The following UBR3 variants were observed in gnomAD, a reference collection of about 807,000 sequenced individuals.
UBR3 encodes the protein ubiquitin protein ligase E3 component n-recognin 3.
A neutral mutation model predicts 243.2 loss-of-function variants in UBR3; 85 were observed. That is an observed-to-expected ratio of 0.35 (90% CI 0.29 to 0.42). UBR3 has a LOEUF of 0.42. Among genes scored for constraint, UBR3 ranks in the 10% least tolerant of loss-of-function variants. The pLI, the probability that UBR3 is intolerant of heterozygous loss-of-function variation, is 1.00. For missense variants in UBR3, 1,686 were observed against 2,300.8 expected (o/e 0.73, Z 5.47); for synonymous variants, 748 against 799.8 (o/e 0.94, Z 1.09).
chr2:170,077,579 TTC>T, intron 36 of UBR3: 3 of 538,396 alleles, frequency 5.6e-6, no homozygotes, highest in South Asian at 6.5e-5. Context: ...GCCTGCGTCT[TTC>T]TCTTTCCTGT....
intron 30 of UBR3, among the ~76,000 whole-genome samples, chr2:170,019,874 C>T (rs906512195): frequency 6.6e-6 from 1 of 152,094 alleles, no homozygotes; most frequent in African/African-American, 2.4e-5. Context: ...CTCCTGGGCT[C>T]AAGCATTCCT....
intron 32 of UBR3, among the ~76,000 whole-genome samples, chr2:170,041,600 G>T (rs1288894594): frequency 6.6e-6 from 1 of 152,004 alleles, no homozygotes; most frequent in African/African-American, 2.4e-5. Context: ...ATTGCTCCTT[G>T]GTCTTTGTAG....
intron 2 of UBR3, 25 bp from the exon 3 acceptor site, chr2:169,875,766 G>A: frequency 6.7e-7 from 1 of 1,492,880 alleles, no homozygotes. Flanking sequence ...ACCCTTATTT[G>A]ATTTTTTTTC....
At chr2:170,046,336 GTTGTTATAGTTCT>G (rs2091087958) in intron 32 of UBR3, among the ~76,000 whole-genome samples, 1 of 152,110 alleles carries the variant, frequency 6.6e-6, no homozygotes, top group African/African-American at 2.4e-5. Context: ...ATTGGATTTG[GTTGTTATAGTTCT>G]TTTAAATCTG....
At chr2:170,005,553 T>C (rs1394160225) in intron 27 of UBR3, among the ~76,000 whole-genome samples, 1 of 152,084 alleles carries the variant, frequency 6.6e-6, no homozygotes, top group East Asian at 1.9e-4. Flanking sequence ...CCTGATGAAC[T>C]GGGAGAAAAA....
intron 2 of UBR3, 58 bp from the exon 3 acceptor site, chr2:169,875,731 TTA>T (rs2083582729): frequency 7.4e-7 from 1 of 1,354,678 alleles, no homozygotes; most frequent in African/African-American, 1.5e-5. Context: ...ACTGTTATTT[TTA>T]GTAAGATATT....
intron 11 of UBR3, among the ~76,000 whole-genome samples, chr2:169,919,954 G>T (rs375405156): frequency 8.5e-4 from 129 of 152,148 alleles, no homozygotes; most frequent in Admixed American, 2.2e-3. Context: ...GCCATCCCAT[G>T]ACTGGGTATA....
chr2:170,014,028 C>T (rs1003155093), intron 29 of UBR3: 11 of 440,376 alleles, frequency 2.5e-5, no homozygotes, highest in South Asian at 1.5e-4. Flanking sequence ...TGGAAAATTC[C>T]CTTGTCACAC....
chr2:169,983,626 C>G (rs2088860533), intron 24 of UBR3, among the ~76,000 whole-genome samples: 1 of 152,078 alleles, frequency 6.6e-6, no homozygotes, highest in South Asian at 2.1e-4. Flanking sequence ...GAAATAAACT[C>G]TCTCTTGATG....
intron 25 of UBR3, among the ~76,000 whole-genome samples, chr2:169,993,233 G>A (rs942233509): frequency 6.6e-6 from 1 of 152,128 alleles, no homozygotes; most frequent in Non-Finnish European, 1.5e-5. Context: ...ACATAAATGT[G>A]ATATGATATT....
chr2:169,963,274 C>A (rs10187676), intron 24 of UBR3, among the ~76,000 whole-genome samples: 26,893 of 152,002 alleles, frequency 0.18, 2,617 homozygotes, highest in East Asian at 0.37. Context: ...TGGCTCCTGT[C>A]TTCTGCCTCA....
At chr2:169,857,062 A>ATTTTTTTTTTTTTTTTTT (rs1553494582) in intron 1 of UBR3, among the ~76,000 whole-genome samples, 1 of 28,472 alleles carries the variant, frequency 3.5e-5, no homozygotes, top group African/African-American at 9.3e-5. Context: ...TAATTTTATT[A>ATTTTTTTTTTTTTTTTTT]TGTTTTTTTT....
chr2:169,904,411 A>G (rs952728615), intron 8 of UBR3, among the ~76,000 whole-genome samples: 1 of 152,214 alleles, frequency 6.6e-6, no homozygotes, highest in African/African-American at 2.4e-5. Context: ...TTCCTAGTCC[A>G]GTGAGTCAGT....
At position 170,016,295 on chromosome 2, in the gene UBR3, A is replaced by T. The variant is rs551718614; in HGVS notation, c.4453+929A>T. 1.6e-4 allele frequency among the ~76,000 whole-genome samples: 25 copies of T among 152,018 alleles called. No individual in the cohort carries two copies. The South Asian group carries it at 3.9e-3, about 24-fold the overall frequency. On this transcript the variant is annotated intron_variant, in intron 30 of 38. Transcript: ENST00000272793. ...ACTTATGTGAAATTTTAACTTGGTTATCTTTAAAGTCTTATAAATTGCAGT... is the reference window on the plus strand; with the variant it reads ...ACTTATGTGAAATTTTAACTTGGTTTTCTTTAAAGTCTTATAAATTGCAGT...
chr2:169,930,565 T>C (rs1182183856), intron 18 of UBR3, among the ~76,000 whole-genome samples: 1 of 152,072 alleles, frequency 6.6e-6, no homozygotes, highest in Non-Finnish European at 1.5e-5. Flanking sequence ...TTCATGTGTT[T>C]TGTAGAGACA....
At chr2:169,881,440 A>G (rs889735184) in intron 5 of UBR3, among the ~76,000 whole-genome samples, 7 of 151,942 alleles carry the variant, frequency 4.6e-5, no homozygotes, top group African/African-American at 1.7e-4. Context: ...TGGCCTCCCA[A>G]AGTGCTGGGA....
At chr2:169,935,811 G>A (rs2105352273) in intron 19 of UBR3, among the ~76,000 whole-genome samples, 1 of 152,196 alleles carries the variant, frequency 6.6e-6, no homozygotes, top group South Asian at 2.1e-4. Flanking sequence ...TCAAAATGAT[G>A]TATTACTTGG....
chr2:169,931,156 C>T (rs1362495911), intron 18 of UBR3, among the ~76,000 whole-genome samples: 1 of 151,968 alleles, frequency 6.6e-6, no homozygotes, highest in Non-Finnish European at 1.5e-5. Flanking sequence ...TTGAGACCAT[C>T]CTGGCTAACA....
At chr2:169,881,252 T>C (rs1197012443) in intron 5 of UBR3, among the ~76,000 whole-genome samples, 1 of 151,830 alleles carries the variant, frequency 6.6e-6, no homozygotes, top group African/African-American at 2.4e-5. Flanking sequence ...TGATCTTGGC[T>C]CACTGCAACC....
Sources: gnomAD v4.1 joint callset for allele counts (sites outside exome capture counted in the v4.1 genomes callset) on GRCh38, gnomAD v4.1.1 for gene constraint, MANE v1.5 for transcripts, NCBI Gene and HGNC (gene_info 2026-07-23, HGNC 2026-07-21) for gene names.